Variants in NCOR2 observed in about 807,000 individuals in gnomAD.
The protein encoded by NCOR2 is CTG repeat protein 26.
In NCOR2, 81 loss-of-function variants were observed where a neutral mutation model predicts 262.9. The observed-to-expected ratio is 0.31, with a 90% confidence interval of 0.26 to 0.37. The LOEUF (loss-of-function observed/expected upper bound fraction) is 0.37, where lower values mean the gene tolerates loss of function less well. NCOR2 is among the 10% of genes least tolerant of loss of function. The probability of loss-of-function intolerance (pLI) is 1.00; values close to 1 mark genes in which losing one functional copy is unlikely to be tolerated. For missense variants in NCOR2, 3,385 were observed against 3,621.4 expected (o/e 0.93, Z 1.68); for synonymous variants, 1,659 against 1,559.3 (o/e 1.06, Z -1.51).
intron 3 of NCOR2, among the ~76,000 whole-genome samples, chr12:124,474,472 G>A (rs1001977239): frequency 2.6e-5 from 4 of 152,084 alleles, no homozygotes; most frequent in African/African-American, 4.8e-5. Flanking sequence ...ATCCATGGAC[G>A]CCTTCATCCC....
chr12:124,500,622 C>T (rs2048648884), intron 1 of NCOR2, among the ~76,000 whole-genome samples: 1 of 152,220 alleles, frequency 6.6e-6, no homozygotes, highest in Non-Finnish European at 1.5e-5. Context: ...TGCCAGAAAC[C>T]ACCACACCTG....
chr12:124,527,091 G>A (rs759780872), intron 1 of NCOR2, among the ~76,000 whole-genome samples: 5 of 152,238 alleles, frequency 3.3e-5, no homozygotes, highest in Non-Finnish European at 7.3e-5. Context: ...TATGGCAGTC[G>A]TGGAAGGGAT....
intron 13 of NCOR2, among the ~76,000 whole-genome samples, chr12:124,409,790 A>G (rs955187078): frequency 1.9e-4 from 29 of 151,726 alleles, no homozygotes; most frequent in African/African-American, 7.0e-4. Context: ...CAGTGCTTCC[A>G]CCTCAGCCTC....
Position 124,517,689 on chromosome 12 carries a change from C to T in NCOR2, c.-118+17876G>A, listed in dbSNP as rs574590746. Among the ~76,000 whole-genome samples, 47 of 152,372 alleles carry T rather than the reference C, an allele frequency of 3.1e-4. No homozygotes were observed. The East Asian group carries it at 5.2e-3, about 17-fold the overall frequency. ...AGCCCCCAAGGCTCGCCATGCTCCC[C>T]CCCAGGGACGCCGGATGTGCACCAA... On this transcript the variant is annotated intron_variant, in intron 1 of 46. Coordinates refer to the NCOR2 transcript ENST00000404621. The surrounding 1 kb of genome is among the most constrained non-coding windows in gnomAD (Gnocchi z 7.6).
chr12:124,377,995 G>A (rs998277173), intron 18 of NCOR2, among the ~76,000 whole-genome samples: 2 of 152,118 alleles, frequency 1.3e-5, no homozygotes, highest in Non-Finnish European at 2.9e-5. Context: ...AGAGCTGAGC[G>A]AGGCTTGGGG....
At chr12:124,486,452 G>C (rs375860971) in exon 2 of NCOR2, 87 of 1,612,544 alleles carry the variant, frequency 5.4e-5, no homozygotes, top group Non-Finnish European at 7.0e-5. Context: ...GTTCATTCCC[G>C]GGCTGGAACT....
intron 1 of NCOR2, among the ~76,000 whole-genome samples, chr12:124,527,335 C>T (rs976228002): frequency 2.6e-5 from 4 of 152,186 alleles, no homozygotes; most frequent in African/African-American, 9.7e-5. Flanking sequence ...CGGAACCTCT[C>T]TGTGCCTCAG....
Position 124,546,416 on chromosome 12 carries a change from T to A in NCOR2, c.-164-10805A>T, listed in dbSNP as rs574130943. Among the ~76,000 whole-genome samples, 129 of 152,054 alleles carry A rather than the reference T, an allele frequency of 8.5e-4. 1 individual carries two copies. The highest frequency in any genetic ancestry group is 2.8e-3 in the African/African-American group (118 of 41,484). Reference sequence around the variant, plus strand: ...AATTCGTAAGTTTTTGGGTTTTGGGTTTTTGTTTTGTTTTGTTTTTCTCAC... The same window carrying A: ...AATTCGTAAGTTTTTGGGTTTTGGGATTTTGTTTTGTTTTGTTTTTCTCAC... On this transcript the variant is annotated intron_variant, in intron 1 of 32. Transcript: ENST00000458234.
At chr12:124,329,017 G>A (rs896976581) in intron 44 of NCOR2, 1 of 437,234 alleles carries the variant, frequency 2.3e-6, no homozygotes, top group African/African-American at 2.0e-5. Flanking sequence ...CAGCGCGACT[G>A]GGCCTTCTAC....
rs35831183 is a variant in NCOR2 at position 124,402,512 on chromosome 12, GGCTGCT to G, written c.1526_1531del (p.Gln509_Gln510del). 835 of 1,459,346 alleles carry G rather than the reference GGCTGCT, an allele frequency of 5.7e-4. 2 individuals carry two copies. Among genetic ancestry groups the G allele is most frequent in the African/African-American group, 2.8e-3 (205 of 72,228 alleles). 90.4% of individuals were successfully genotyped at this position (1,459,346 alleles called of 1,614,324 possible). ...CTCCTCCTGGCTGCTGCGGGGCATG[GGCTGCT>G]GCTGCTGCTGCTGCTGCTGCTGCTG... On this transcript the variant is annotated inframe_deletion, in exon 14 of 47. Coordinates refer to ENST00000405201, the Ensembl canonical transcript of NCOR2.
At chr12:124,436,358 T>G (rs1299624173) in intron 8 of NCOR2, among the ~76,000 whole-genome samples, 1 of 151,574 alleles carries the variant, frequency 6.6e-6, no homozygotes, top group East Asian at 1.9e-4. Context: ...AGAGAGGAGG[T>G]GGGGCAGGGG....
At chr12:124,451,180 G>C (rs964483420) in intron 6 of NCOR2, among the ~76,000 whole-genome samples, 1 of 152,266 alleles carries the variant, frequency 6.6e-6, no homozygotes, top group African/African-American at 2.4e-5. Context: ...GAGAGGCAAG[G>C]AGCAGCGTGG....
In NCOR2 at chr12:124,432,460, G is replaced by T. The variant is rs141534196; in HGVS notation, c.883-1673C>A. 4.6e-3 allele frequency among the ~76,000 whole-genome samples: 705 copies of T among 152,236 alleles called. 2 individuals are homozygous for T. The highest frequency in any genetic ancestry group is 0.01 in the Middle Eastern group (3 of 294). On this transcript the variant is annotated intron_variant, in intron 8 of 46. Coordinates refer to ENST00000405201, the Ensembl canonical transcript of NCOR2. The surrounding 1 kb of genome is among the most constrained non-coding windows in gnomAD (Gnocchi z 5.1). The stretch of plus-strand genomic sequence containing the variant: ...ATCACAAATCCAGTAAAATTTAAGA[G>T]TCGGGCTCTAGTTCTCCCCAGCCAT...
At chr12:124,492,270 G>A (rs992544932) in intron 1 of NCOR2, among the ~76,000 whole-genome samples, 1 of 152,182 alleles carries the variant, frequency 6.6e-6, no homozygotes, top group Admixed American at 6.5e-5. Context: ...CATTGCCACC[G>A]ATGCACAGAC....
intron 3 of NCOR2, among the ~76,000 whole-genome samples, chr12:124,479,454 T>TAC (rs144568176): frequency 0.12 from 17,537 of 143,260 alleles, 1,389 homozygotes; most frequent in African/African-American, 0.24. Context: ...CACACACGCA[T>TAC]ACACACACAC....
intron 1 of NCOR2, among the ~76,000 whole-genome samples, chr12:124,542,130 G>C (rs990451470): frequency 1.3e-5 from 2 of 151,774 alleles, no homozygotes; most frequent in South Asian, 4.1e-4. Context: ...CTGCATGGAG[G>C]ATCAGAACTG....
In NCOR2 at chr12:124,523,315, G is replaced by A. The variant is rs1256029315; in HGVS notation, c.-118+12250C>T. On this transcript the variant is annotated intron_variant, in intron 1 of 46. Coordinates refer to the NCOR2 transcript ENST00000404621. The surrounding 1 kb of genome is among the most constrained non-coding windows in gnomAD (Gnocchi z 4.0). The stretch of plus-strand genomic sequence containing the variant: ...TGGGCACCCAGCAACTGGCAAGGAC[G>A]GCTGGGGGCAGGGGGCAGGTGGCTG... 6.6e-6 allele frequency among the ~76,000 whole-genome samples: 1 copy of A among 152,202 alleles called. No individual in the cohort carries two copies. The highest frequency in any genetic ancestry group is 1.5e-5 in the Non-Finnish European group (1 of 68,030).
exon 47 of NCOR2, chr12:124,325,579 G>A (rs2034550981): frequency 1.6e-6 from 2 of 1,280,460 alleles, no homozygotes; most frequent in Admixed American, 4.1e-5. Context: ...GGAATGGCGT[G>A]GAACCTGCGG....
At chr12:124,402,600 G>A in intron 13 of NCOR2, 39 bp from the exon 16 acceptor site, 2 of 1,545,836 alleles carry the variant, frequency 1.3e-6, no homozygotes, top group Non-Finnish European at 1.7e-6. Context: ...GAGTGGGGAG[G>A]GAAGAAAACC....
Sources: gnomAD v4.1 joint callset for allele counts (sites outside exome capture counted in the v4.1 genomes callset) on GRCh38, gnomAD v4.1.1 for gene constraint, Gnocchi (gnomAD v3.1) non-coding constraint, MANE v1.5 for transcripts, NCBI Gene and HGNC (gene_info 2026-07-23, HGNC 2026-07-21) for gene names.